Variants in EML4 observed in about 807,000 individuals in gnomAD.
EML4 encodes the protein EMAP like 4, also known as echinoderm microtubule-associated protein-like 4.
EML4 carries 72 observed loss-of-function variants against 129.0 expected under a neutral mutation model. The ratio of observed to expected loss-of-function variants is 0.56; its 90% confidence interval spans 0.46 to 0.68. EML4 has a LOEUF of 0.68. EML4 is among the 30% of genes least tolerant of loss of function. EML4 has a pLI of 0.00. For missense variants in EML4, 1,363 were observed against 1,190.6 expected (o/e 1.14, Z -2.13); for synonymous variants, 532 against 405.0 (o/e 1.31, Z -3.77).
chr2:42,323,830 G>C (rs1669648159), intron 19 of EML4, among the ~76,000 whole-genome samples: 1 of 151,270 alleles, frequency 6.6e-6, no homozygotes, highest in Non-Finnish European at 1.5e-5. Context: ...TGTAGTCCCA[G>C]CTACTTGGGA....
At chr2:42,215,648 T>C (rs1376321477) in intron 1 of EML4, among the ~76,000 whole-genome samples, 3 of 152,212 alleles carry the variant, frequency 2.0e-5, no homozygotes, top group East Asian at 3.8e-4. Flanking sequence ...CTATCTGTTA[T>C]CAACCTGTTT....
chr2:42,199,489 CTT>C (rs1436034727), intron 1 of EML4, among the ~76,000 whole-genome samples: 1 of 152,118 alleles, frequency 6.6e-6, no homozygotes, highest in African/African-American at 2.4e-5. Flanking sequence ...TTGCAGGAGA[CTT>C]TTGGAGTAAT....
At chr2:42,178,798 A>G (rs1424124636) in intron 1 of EML4, among the ~76,000 whole-genome samples, 1 of 152,204 alleles carries the variant, frequency 6.6e-6, no homozygotes, top group Non-Finnish European at 1.5e-5. Flanking sequence ...CCATTGCACT[A>G]TAGCGCTTCT....
intron 9 of EML4, among the ~76,000 whole-genome samples, chr2:42,285,354 G>A (rs1434724904): frequency 2.6e-5 from 4 of 152,168 alleles, no homozygotes; most frequent in Non-Finnish European, 2.9e-5. Flanking sequence ...AGTAACGTAT[G>A]TATGACTATA....
At position 42,332,015 on chromosome 2, in the gene EML4, A is replaced by C. The variant is rs138515081; in HGVS notation, c.*1808A>C. Reference sequence around the variant, plus strand: ...TTTCTTCAGTATGTATGTTCTGTACATACTTATCGGAGCGCGCCAGTAAGT... The same window carrying C: ...TTTCTTCAGTATGTATGTTCTGTACCTACTTATCGGAGCGCGCCAGTAAGT... On this transcript the variant is annotated 3_prime_UTR_variant, in exon 23 of 23. Coordinates refer to ENST00000318522, the MANE Select transcript of EML4 (RefSeq NM_019063.5). 1.8e-5 allele frequency: 4 copies of C among 222,292 alleles called. No homozygotes were observed. The highest frequency in any genetic ancestry group is 8.9e-5 in the African/African-American group (4 of 44,816). The allele number at this position is 222,292 out of a possible 1,614,324, so 13.8% of individuals were successfully genotyped here. A position where few individuals can be genotyped will look rare whatever the true frequency, so the allele number is the denominator to read the frequency against.
Position 42,295,171 on chromosome 2 carries a change from C to G in EML4, c.1265C>G (p.Ala422Gly), listed in dbSNP as rs777749257. 1.3e-5 allele frequency: 21 copies of G among 1,612,594 alleles called. No individual in the cohort carries two copies. Among genetic ancestry groups the G allele is most frequent in the African/African-American group, 5.3e-5 (4 of 74,854 alleles). ...VLAVEFHPTD[A>G]NTIITCGKSH... ...GCTGTGGAGTTTCACCCAACAGATG[C>G]AAATACCATAATTACATGCGGTAAA... is the stretch of plus-strand genomic sequence containing the variant. Residue 422 changes from alanine to glycine, a missense_variant, in exon 12 of 23, where the codon GCA becomes GGA. Ala to Gly is a moderately conservative substitution (Grantham distance 60). Transcript: ENST00000318522.
chr2:42,319,513 C>T lies in EML4; in HGVS notation c.2154+1989C>T, dbSNP rs925834764. On this transcript the variant is annotated intron_variant, in intron 19 of 22. Transcript: ENST00000318522. ...ACTATTCTGCGTTCCTAATTGTCTT[C>T]GGTTTTGTGCTTTGCTTCTAGCTTT... The T allele has an allele frequency of 2.0e-5, 3 of 152,168 alleles. No homozygotes were observed. In the South Asian group the frequency reaches 6.2e-4, roughly 31 times the overall value. 9.4% of individuals were successfully genotyped at this position (152,168 alleles called of 1,614,324 possible).
At chr2:42,185,963 A>G (rs1045290557) in intron 1 of EML4, among the ~76,000 whole-genome samples, 7 of 152,164 alleles carry the variant, frequency 4.6e-5, no homozygotes, top group African/African-American at 1.7e-4. Flanking sequence ...TCTGTTATGA[A>G]TCAGGCACTT....
chr2:42,261,666 A>G (rs1572647803), intron 4 of EML4, among the ~76,000 whole-genome samples: 1 of 152,192 alleles, frequency 6.6e-6, no homozygotes, highest in East Asian at 1.9e-4. Flanking sequence ...GCCATATGTA[A>G]TTGTCCTCAC....
rs1481107004 is a variant in EML4 at position 42,296,137 on chromosome 2, C to T, written c.1489+621C>T. Among the ~76,000 whole-genome samples, 5 of 152,090 alleles carry T rather than the reference C, an allele frequency of 3.3e-5. No individual in the cohort carries two copies. In the East Asian group the frequency reaches 7.7e-4, roughly 23 times the overall value. ...ATAACCTTTTTTAAACCCCATTTTTCGTTACTATTTAAGAATAATCAAACT... is the reference window on the plus strand; with the variant it reads ...ATAACCTTTTTTAAACCCCATTTTTTGTTACTATTTAAGAATAATCAAACT... On this transcript the variant is annotated intron_variant, in intron 13 of 22. Coordinates refer to ENST00000318522, the MANE Select transcript of EML4 (RefSeq NM_019063.5).
At chr2:42,297,352 AT>A (rs1668018046) in intron 13 of EML4, among the ~76,000 whole-genome samples, 1 of 152,198 alleles carries the variant, frequency 6.6e-6, no homozygotes, top group Non-Finnish European at 1.5e-5. Flanking sequence ...GCGTATAAAT[AT>A]ACCCTTTTGT....
At chr2:42,305,826 C>T (rs903113321) in intron 17 of EML4, among the ~76,000 whole-genome samples, 20 of 152,106 alleles carry the variant, frequency 1.3e-4, no homozygotes, top group African/African-American at 3.4e-4. Context: ...CTATATAAGA[C>T]TTAAATACTT....
At chr2:42,233,348 C>T (rs1238110764) in intron 1 of EML4, among the ~76,000 whole-genome samples, 1 of 151,118 alleles carries the variant, frequency 6.6e-6, no homozygotes, top group Non-Finnish European at 1.5e-5. Flanking sequence ...CTCTGTCGCC[C>T]AGGCTGGAGT....
At chr2:42,299,001 C>T (rs925148590) in intron 13 of EML4, among the ~76,000 whole-genome samples, 3 of 152,206 alleles carry the variant, frequency 2.0e-5, no homozygotes, top group Admixed American at 2.0e-4. Context: ...GGTGTCCTCC[C>T]TCTCGTGGTA....
chr2:42,308,630 A>T (rs540204422), intron 17 of EML4, among the ~76,000 whole-genome samples: 1 of 152,336 alleles, frequency 6.6e-6, no homozygotes, highest in South Asian at 2.1e-4. Context: ...CTGATTTAAG[A>T]TATATAATTC....
At chr2:42,308,027 A>G (rs915944837) in intron 17 of EML4, among the ~76,000 whole-genome samples, 5 of 152,272 alleles carry the variant, frequency 3.3e-5, no homozygotes, top group African/African-American at 1.2e-4. Flanking sequence ...CTAGTAAAAA[A>G]AAGTAATGAT....
chr2:42,301,265 T>G lies in EML4; in HGVS notation c.1514T>G (p.Ile505Ser). The G allele has an allele frequency of 1.2e-6, 2 of 1,612,386 alleles. No individual in the cohort carries two copies. Among genetic ancestry groups the G allele is most frequent in the Non-Finnish European group, 1.7e-6 (2 of 1,179,360 alleles). ...GGTGTATATCAAATCAGCAAACAAA[T>G]CAAAGCTCATGATGGCAGTGTGTTC... ...PKGVYQISKQIKAHDGSVFTL... is the reference protein window; with the variant it reads ...PKGVYQISKQSKAHDGSVFTL... The change falls in exon 14 of 23, where the codon ATC (isoleucine) becomes AGC (serine). Residue 505 changes from isoleucine to serine, a missense_variant. By Grantham distance (142) the Ile-to-Ser change is moderately radical. Transcript: ENST00000318522.
chr2:42,311,440 C>G (rs1440703234), intron 17 of EML4, among the ~76,000 whole-genome samples: 1 of 152,050 alleles, frequency 6.6e-6, no homozygotes, highest in Non-Finnish European at 1.5e-5. Flanking sequence ...TTGGTCCCAG[C>G]TACTTGGGAG....
chr2:42,303,268 T>C (rs781062271), intron 15 of EML4, 39 bp downstream of exon 15: 8 of 1,613,964 alleles, frequency 5.0e-6, no homozygotes, highest in Non-Finnish European at 6.8e-6. Flanking sequence ...GAATATTTTT[T>C]ATGATATTCT....
Sources: allele counts gnomAD v4.1 joint callset (sites outside exome capture counted in the v4.1 genomes callset), GRCh38; gene constraint gnomAD v4.1.1; transcripts MANE v1.5; gene names NCBI Gene and HGNC (gene_info 2026-07-23, HGNC 2026-07-21).